CADM2: variants seen among roughly 807,000 people sequenced by gnomAD.
CADM2 encodes immunoglobulin superfamily member 4D.
Under a neutral mutation model 49.8 loss-of-function variants are expected in CADM2, and 12 were observed. The ratio of observed to expected loss-of-function variants is 0.24; its 90% confidence interval spans 0.15 to 0.39. CADM2 has a LOEUF of 0.39. Among genes scored for constraint, CADM2 ranks in the 10% least tolerant of loss-of-function variants. The probability of loss-of-function intolerance (pLI) is 1.00; values close to 1 mark genes in which losing one functional copy is unlikely to be tolerated. For missense variants in CADM2, 378 were observed against 492.3 expected (o/e 0.77, Z 2.20); for synonymous variants, 214 against 175.4 (o/e 1.22, Z -1.74).
At position 85,352,452 on chromosome 3, in the gene CADM2, A is replaced by G. The variant is rs144808238; in HGVS notation, c.62-374070A>G. ...TGAAAAAAACCAGCTAATTTATTTTATGATTATCACATTGGGAAGCGAGGG... is the reference window on the plus strand; with the variant it reads ...TGAAAAAAACCAGCTAATTTATTTTGTGATTATCACATTGGGAAGCGAGGG... On this transcript the variant is annotated intron_variant, in intron 1 of 9. Transcript: ENST00000383699. Among the ~76,000 whole-genome samples the G allele has an allele frequency of 2.8e-3, 421 of 152,274 alleles. 1 individual carries two copies. The highest frequency in any genetic ancestry group is 0.01 in the Middle Eastern group (3 of 294).
intron 1 of CADM2, among the ~76,000 whole-genome samples, chr3:84,984,230 A>G (rs2107149107): frequency 6.6e-6 from 1 of 152,010 alleles, no homozygotes; most frequent in African/African-American, 2.4e-5. Flanking sequence ...GTAGGCACAC[A>G]AAAGTGTAAC....
intron 3 of CADM2, among the ~76,000 whole-genome samples, chr3:85,814,054 A>AT (rs200811144): frequency 7.9e-5 from 12 of 151,708 alleles, no homozygotes; most frequent in African/African-American, 2.2e-4. Context: ...AGTTTAAAGA[A>AT]TTTTTTTTTC....
intron 1 of CADM2, among the ~76,000 whole-genome samples, chr3:85,093,224 A>G (rs1213697556): frequency 5.3e-5 from 8 of 152,166 alleles, no homozygotes; most frequent in East Asian, 1.9e-4. Context: ...AGATGACCAG[A>G]TAAGATATAT....
In CADM2 at chr3:85,094,141, A is replaced by T. The variant is rs980900869; in HGVS notation, c.61+134473A>T. Among the ~76,000 whole-genome samples, 3 of 152,182 alleles carry T rather than the reference A, an allele frequency of 2.0e-5. No individual in the cohort carries two copies. In the East Asian group the frequency reaches 5.8e-4, roughly 29 times the overall value. The stretch of plus-strand genomic sequence containing the variant: ...CTCAGCCGAGCCAATACAATGTAGA[A>T]CTGTGAAAAGACTAGAATATGTTTG... On this transcript the variant is annotated intron_variant, in intron 1 of 9. Transcript: ENST00000383699.
intron 1 of CADM2, among the ~76,000 whole-genome samples, chr3:84,991,813 A>G (rs2032906536): frequency 6.6e-6 from 1 of 152,196 alleles, no homozygotes; most frequent in South Asian, 2.1e-4. Flanking sequence ...ATTATTCACT[A>G]CTAAGAAACA....
intron 1 of CADM2, among the ~76,000 whole-genome samples, chr3:85,221,769 G>GTGTC (rs1393548453): frequency 6.6e-6 from 1 of 152,136 alleles, no homozygotes; most frequent in Non-Finnish European, 1.5e-5. Flanking sequence ...TCAGTCTCAA[G>GTGTC]TGTCACTAAT....
At chr3:85,618,816 T>G (rs2063878962) in intron 1 of CADM2, among the ~76,000 whole-genome samples, 1 of 151,258 alleles carries the variant, frequency 6.6e-6, no homozygotes, top group Non-Finnish European at 1.5e-5. Flanking sequence ...TATCTCCATA[T>G]ATGACTGAAT....
chr3:85,327,649 G>A lies in CADM2; in HGVS notation c.61+367981G>A, dbSNP rs576891273. ...ATATAAATATATATGTATATATGAA[G>A]TTACCCTATAGGCTAAATTTAAATA... On this transcript the variant is annotated intron_variant, in intron 1 of 9. Transcript: ENST00000383699. Among the ~76,000 whole-genome samples, 238 of 151,042 alleles carry A rather than the reference G, an allele frequency of 1.6e-3. 1 individual carries two copies. The highest frequency in any genetic ancestry group is 5.4e-3 in the African/African-American group (220 of 41,082).
chr3:85,158,948 T>C (rs1041405413), intron 1 of CADM2, among the ~76,000 whole-genome samples: 7 of 152,146 alleles, frequency 4.6e-5, no homozygotes, highest in African/African-American at 1.7e-4. Flanking sequence ...GTTGCATATA[T>C]ATGTTGACGT....
chr3:85,165,771 A>G (rs1006094259), intron 1 of CADM2, among the ~76,000 whole-genome samples: 4 of 151,854 alleles, frequency 2.6e-5, no homozygotes, highest in African/African-American at 9.7e-5. Flanking sequence ...TATTTTTCTC[A>G]GAAAGTAAGT....
At chr3:85,816,427 G>T (rs921468321) in intron 3 of CADM2, among the ~76,000 whole-genome samples, 1 of 152,064 alleles carries the variant, frequency 6.6e-6, no homozygotes, top group African/African-American at 2.4e-5. Flanking sequence ...CCTGAGCCAG[G>T]AAATAACTAT....
intron 1 of CADM2, among the ~76,000 whole-genome samples, chr3:85,064,841 A>G (rs888157155): frequency 1.3e-5 from 2 of 152,156 alleles, no homozygotes; most frequent in Non-Finnish European, 2.9e-5. Flanking sequence ...TACTGGTTTA[A>G]TAAGACTGTC....
intron 1 of CADM2, among the ~76,000 whole-genome samples, chr3:85,177,618 A>T (rs1280159579): frequency 6.7e-6 from 1 of 149,902 alleles, no homozygotes; most frequent in Non-Finnish European, 1.5e-5. Flanking sequence ...AAATGTAGTT[A>T]ATTGTATAAA....
intron 1 of CADM2, among the ~76,000 whole-genome samples, chr3:85,097,978 T>G (rs999498624): frequency 1.3e-5 from 2 of 152,132 alleles, no homozygotes; most frequent in Admixed American, 1.3e-4. Context: ...GAATAAACTC[T>G]TTTTCAGACA....
At chr3:85,307,048 C>T (rs767236560) in intron 1 of CADM2, among the ~76,000 whole-genome samples, 2 of 151,380 alleles carry the variant, frequency 1.3e-5, no homozygotes, top group Non-Finnish European at 3.0e-5. Context: ...TTATTGTGTG[C>T]GTGTTTTTAG....
intron 1 of CADM2, among the ~76,000 whole-genome samples, chr3:85,230,230 T>TA (rs1280853207): frequency 6.6e-6 from 1 of 152,182 alleles, no homozygotes; most frequent in African/African-American, 2.4e-5. Flanking sequence ...GATCTTTGGG[T>TA]ATTTGTCTTA....
chr3:85,665,402 T>C (rs1034107077), intron 1 of CADM2, among the ~76,000 whole-genome samples: 56 of 151,974 alleles, frequency 3.7e-4, no homozygotes, highest in African/African-American at 1.3e-3. Flanking sequence ...GCAATGGATA[T>C]GTGTTTGCCT....
chr3:85,793,041 A>G (rs2071427736), intron 2 of CADM2, among the ~76,000 whole-genome samples: 1 of 151,720 alleles, frequency 6.6e-6, no homozygotes, highest in Non-Finnish European at 1.5e-5. Context: ...AGGAGTCAAG[A>G]CTCAGTTCAC....
chr3:85,226,308 T>C (rs377273375), intron 1 of CADM2, among the ~76,000 whole-genome samples: 7 of 152,040 alleles, frequency 4.6e-5, no homozygotes, highest in South Asian at 2.1e-4. Context: ...GAATCTGTTA[T>C]TGGTCTATTC....
Sources: gnomAD v4.1 joint callset for allele counts (sites outside exome capture counted in the v4.1 genomes callset) on GRCh38, gnomAD v4.1.1 for gene constraint, MANE v1.5 for transcripts, NCBI Gene and HGNC (gene_info 2026-07-23, HGNC 2026-07-21) for gene names.